Variants in CFH observed in about 807,000 individuals in gnomAD.
CFH encodes the protein complement factor H.
In CFH, 53 loss-of-function variants were observed where a neutral mutation model predicts 147.3. The ratio of observed to expected loss-of-function variants is 0.36; its 90% confidence interval spans 0.29 to 0.45. The LOEUF is 0.45. Among genes scored for constraint, CFH ranks in the 20% least tolerant of loss-of-function variants. The pLI, the probability that CFH is intolerant of heterozygous loss-of-function variation, is 1.00. For synonymous variants in CFH, 536 were observed against 489.4 expected (o/e 1.10, Z -1.26); for missense variants, 1,380 against 1,498.0 (o/e 0.92, Z 1.30).
intron 9 of CFH, among the ~76,000 whole-genome samples, chr1:196,705,319 A>G (rs547181847): frequency 2.0e-4 from 30 of 152,090 alleles, no homozygotes; most frequent in Non-Finnish European, 4.4e-5. Flanking sequence ...CTGCTTTCGG[A>G]CTGGAGAGAA....
intron 9 of CFH, among the ~76,000 whole-genome samples, chr1:196,690,929 T>C (rs1403055735): frequency 6.6e-6 from 1 of 152,138 alleles, no homozygotes; most frequent in Non-Finnish European, 1.5e-5. Flanking sequence ...ACCTGCCATA[T>C]GAACATGCCT....
chr1:196,667,223 C>A (rs1667128305), intron 1 of CFH, among the ~76,000 whole-genome samples: 1 of 152,182 alleles, frequency 6.6e-6, no homozygotes, highest in South Asian at 2.1e-4. Context: ...AAGGGAACAA[C>A]CATGATTTGT....
chr1:196,729,100 T>C (rs1341294713), intron 15 of CFH, among the ~76,000 whole-genome samples: 2 of 152,062 alleles, frequency 1.3e-5, no homozygotes, highest in East Asian at 1.9e-4. Flanking sequence ...ATATTTTATA[T>C]CTGTATTTTG....
intron 9 of CFH, among the ~76,000 whole-genome samples, chr1:196,707,419 T>C (rs540482260): frequency 6.6e-6 from 1 of 152,332 alleles, no homozygotes; most frequent in South Asian, 2.1e-4. Flanking sequence ...CACGAGTTTG[T>C]GGTTCCAGCA....
chr1:196,658,407 ATTT>A (rs549213437), intron 1 of CFH, among the ~76,000 whole-genome samples: 4 of 92,248 alleles, frequency 4.3e-5, no homozygotes, highest in Non-Finnish European at 4.0e-5. Flanking sequence ...TGCTCAGGTA[ATTT>A]TTTTTTTTTT....
rs1317232107 is a variant in CFH, at chr1:196,733,938, T to A, written c.2414-2886T>A. On this transcript the variant is annotated intron_variant, in intron 15 of 21. Transcript: ENST00000367429. The stretch of plus-strand genomic sequence containing the variant: ...ACAGGGGACTGTTTTTTCAGCCCCT[T>A]CTCTGAACTGCTATTAAGGAATGAA... Among the ~76,000 whole-genome samples, 3 of 152,192 alleles carry A rather than the reference T, an allele frequency of 2.0e-5. No homozygotes were observed. In the East Asian group the frequency reaches 5.8e-4, roughly 29 times the overall value.
chr1:196,697,735 G>T (rs1668321296), intron 9 of CFH, among the ~76,000 whole-genome samples: 1 of 152,138 alleles, frequency 6.6e-6, no homozygotes, highest in African/African-American at 2.4e-5. Flanking sequence ...ATTCACAATA[G>T]CAAAGACTTG....
At chr1:196,685,519 A>G (rs945640826) in intron 7 of CFH, among the ~76,000 whole-genome samples, 2 of 152,142 alleles carry the variant, frequency 1.3e-5, no homozygotes, top group African/African-American at 2.4e-5. Context: ...AACACATACT[A>G]TATTAGTTAT....
At chr1:196,724,332 G>A (rs1669076799) in intron 11 of CFH, among the ~76,000 whole-genome samples, 1 of 151,994 alleles carries the variant, frequency 6.6e-6, no homozygotes, top group Non-Finnish European at 1.5e-5. Flanking sequence ...TGAGTGCACT[G>A]CAGGCATGAA....
At chr1:196,661,324 A>G (rs1022610360) in intron 1 of CFH, among the ~76,000 whole-genome samples, 1 of 152,112 alleles carries the variant, frequency 6.6e-6, no homozygotes, top group Admixed American at 6.6e-5. Context: ...TTTCATATGG[A>G]TTTGTTCCAC....
intron 9 of CFH, among the ~76,000 whole-genome samples, chr1:196,698,216 G>T (rs1668343496): frequency 1.3e-5 from 2 of 151,824 alleles, no homozygotes; most frequent in Admixed American, 1.3e-4. Context: ...CAGAAGACAA[G>T]AAATAACTAA....
At chr1:196,731,860 A>C (rs1669287809) in intron 15 of CFH, among the ~76,000 whole-genome samples, 2 of 152,102 alleles carry the variant, frequency 1.3e-5, no homozygotes, top group Middle Eastern at 6.8e-3. Context: ...ATCCACTGAT[A>C]GTCTTGTGGA....
chr1:196,711,730 C>T (rs1022258124), intron 9 of CFH, among the ~76,000 whole-genome samples: 4 of 152,020 alleles, frequency 2.6e-5, no homozygotes, highest in Admixed American at 6.6e-5. Context: ...AGTCTTTCTA[C>T]TCTGATTGAT....
intron 14 of CFH, among the ~76,000 whole-genome samples, chr1:196,727,769 C>T (rs1188953624): frequency 6.6e-6 from 1 of 152,044 alleles, no homozygotes; most frequent in African/African-American, 2.4e-5. Flanking sequence ...GTTGGTGGGC[C>T]ACAGGCCCTC....
chr1:196,690,844 G>A (rs1341765262), intron 9 of CFH, among the ~76,000 whole-genome samples: 3 of 152,112 alleles, frequency 2.0e-5, no homozygotes, highest in African/African-American at 7.2e-5. Context: ...TTAATCAAAT[G>A]GGATCTTTGC....
At chr1:196,706,718 G>A (rs1052162152) in intron 9 of CFH, among the ~76,000 whole-genome samples, 3 of 152,026 alleles carry the variant, frequency 2.0e-5, no homozygotes, top group Non-Finnish European at 4.4e-5. Flanking sequence ...CTATGTCTTT[G>A]GGACACACTT....
At chr1:196,702,305 C>T (rs191017142) in intron 9 of CFH, among the ~76,000 whole-genome samples, 45 of 152,056 alleles carry the variant, frequency 3.0e-4, no homozygotes, top group Admixed American at 1.4e-3. Flanking sequence ...GGTGTCACTT[C>T]TTATACCCAA....
chr1:196,725,433 T>C, intron 12 of CFH, 136 bp downstream of exon 12: 2 of 775,766 alleles, frequency 2.6e-6, no homozygotes, highest in Non-Finnish European at 4.4e-6. Context: ...GAAGGACATG[T>C]ATTGAGTACT....
At chr1:196,736,741 A>T in intron 15 of CFH, 83 bp from the exon 16 acceptor site, 1 of 623,780 alleles carries the variant, frequency 1.6e-6, no homozygotes, top group Non-Finnish European at 2.2e-6. Context: ...CATATAAATT[A>T]TTTTTCATCA....
Sources: allele counts gnomAD v4.1 joint callset (sites outside exome capture counted in the v4.1 genomes callset), GRCh38; gene constraint gnomAD v4.1.1; transcripts MANE v1.5; gene names NCBI Gene and HGNC (gene_info 2026-07-23, HGNC 2026-07-21).